Variants in VRK2 observed in about 807,000 individuals in gnomAD.
The protein encoded by VRK2 is serine/threonine-protein kinase VRK2.
Under a neutral mutation model 57.6 loss-of-function variants are expected in VRK2, and 60 were observed. The observed-to-expected ratio is 1.04, with a 90% CI of 0.85 to 1.29. The LOEUF is 1.29. Among genes scored for constraint, VRK2 ranks in the 50% most tolerant of loss-of-function variants. The pLI, the probability that VRK2 is intolerant of heterozygous loss-of-function variation, is 0.00. For synonymous variants in VRK2, 231 were observed against 199.2 expected, an observed-to-expected ratio of 1.16 and a Z score of -1.35; for missense variants, 705 against 588.1, an observed-to-expected ratio of 1.20 and a Z score of -2.06.
chr2:57,989,267 T>C (rs1169779074), intron 1 of VRK2, among the ~76,000 whole-genome samples: 2 of 152,230 alleles, frequency 1.3e-5, no homozygotes, highest in Non-Finnish European at 2.9e-5. Flanking sequence ...TAAATAATTT[T>C]ACATTTTTCT....
intron 2 of VRK2, among the ~76,000 whole-genome samples, chr2:58,052,955 A>G (rs533808298): frequency 1.3e-5 from 2 of 152,250 alleles, no homozygotes; most frequent in African/African-American, 2.4e-5. Context: ...AGTAAAAGAT[A>G]TGATTTATCT....
intron 1 of VRK2, among the ~76,000 whole-genome samples, chr2:58,019,856 C>T (rs529286774): frequency 2.0e-5 from 3 of 152,126 alleles, no homozygotes. Context: ...AAACTATAAA[C>T]TTTCAACTTT....
At chr2:58,015,932 T>C (rs1189538785) in intron 1 of VRK2, among the ~76,000 whole-genome samples, 1 of 152,164 alleles carries the variant, frequency 6.6e-6, no homozygotes, top group East Asian at 1.9e-4. Flanking sequence ...GATTTTGTTT[T>C]TTTCTTATAG....
chr2:58,065,993 G>T (rs940633868), intron 2 of VRK2, among the ~76,000 whole-genome samples: 1 of 152,060 alleles, frequency 6.6e-6, no homozygotes, highest in African/African-American at 2.4e-5. Context: ...AGTTATTCTA[G>T]GATTGGGTTT....
At chr2:58,129,179 ACACTT>A (rs1171422034) in intron 8 of VRK2, among the ~76,000 whole-genome samples, 2 of 152,184 alleles carry the variant, frequency 1.3e-5, no homozygotes, top group Non-Finnish European at 2.9e-5. Context: ...TAATAAGTAA[ACACTT>A]CATTTTAGGA....
chr2:58,080,939 T>G (rs1670777738), intron 2 of VRK2, among the ~76,000 whole-genome samples: 1 of 151,996 alleles, frequency 6.6e-6, no homozygotes, highest in Non-Finnish European at 1.5e-5. Context: ...CTTCCTCTTG[T>G]GTAATTTCTT....
rs148845924 is a variant in VRK2 at position 57,916,187 on chromosome 2, A to G, written c.-439+8348A>G. On this transcript the variant is annotated intron_variant, in intron 1 of 15. Coordinates refer to the VRK2 transcript ENST00000417641. ...TTTGGGAGGTCGAGGCAGGCAGATC[A>G]CTTGAGGTCAGGAGTTCGAGACCAG... Among the ~76,000 whole-genome samples the G allele has an allele frequency of 9.8e-3, 1,494 of 152,156 alleles. 25 individuals carry two copies. The highest frequency in any genetic ancestry group is 0.034 in the African/African-American group (1,416 of 41,500).
At chr2:58,062,980 AG>A (rs1677575407) in intron 2 of VRK2, among the ~76,000 whole-genome samples, 1 of 152,206 alleles carries the variant, frequency 6.6e-6, no homozygotes, top group African/African-American at 2.4e-5. Flanking sequence ...CTGGGTTCAA[AG>A]CTTCTAAGGA....
intron 10 of VRK2, 40 bp from the exon 11 acceptor site, chr2:58,139,626 C>A: frequency 6.4e-7 from 1 of 1,564,754 alleles, no homozygotes; most frequent in Non-Finnish European, 8.7e-7. Context: ...ACAATTCTTG[C>A]CAATTGTGAA....
intron 1 of VRK2, among the ~76,000 whole-genome samples, chr2:57,979,984 C>T (rs1182627913): frequency 6.6e-6 from 1 of 152,038 alleles, no homozygotes; most frequent in Non-Finnish European, 1.5e-5. Context: ...TTTCAAAGAA[C>T]AAATTTTTGG....
Position 58,159,694 on chromosome 2 carries a change from A to AGAT in VRK2, c.*5_*7dup. On this transcript the variant is annotated 3_prime_UTR_variant, in exon 13 of 13. Coordinates refer to ENST00000340157, the MANE Select transcript of VRK2 (RefSeq NM_006296.7). The stretch of plus-strand genomic sequence containing the variant: ...ATTTCTTGCTTTATTTTTTCTCTGA[A>AGAT]GATGATACCAAAATTCCTTTTGATA... 1 of 1,612,416 alleles carries AGAT rather than the reference A, an allele frequency of 6.2e-7. No homozygotes were observed. Among genetic ancestry groups the AGAT allele is most frequent in the Non-Finnish European group, 8.5e-7 (1 of 1,179,406 alleles).
At chr2:58,143,984 C>A (rs1283344777) in intron 11 of VRK2, among the ~76,000 whole-genome samples, 1 of 150,778 alleles carries the variant, frequency 6.6e-6, no homozygotes, top group Non-Finnish European at 1.5e-5. Flanking sequence ...TATATATGCA[C>A]ACATATATAC....
intron 1 of VRK2, among the ~76,000 whole-genome samples, chr2:57,919,056 T>C (rs1670249635): frequency 6.6e-6 from 1 of 152,142 alleles, no homozygotes; most frequent in Admixed American, 6.5e-5. Flanking sequence ...AGTATAAAAA[T>C]ACTTGTCCAA....
At chr2:58,065,604 T>C (rs1020384435) in intron 2 of VRK2, among the ~76,000 whole-genome samples, 3 of 152,156 alleles carry the variant, frequency 2.0e-5, no homozygotes, top group African/African-American at 7.2e-5. Flanking sequence ...CTTTTCCATA[T>C]ACATAATTAA....
At chr2:58,077,435 A>G (rs1190022808) in intron 2 of VRK2, among the ~76,000 whole-genome samples, 1 of 151,928 alleles carries the variant, frequency 6.6e-6, no homozygotes, top group Non-Finnish European at 1.5e-5. Flanking sequence ...CCTACCCACA[A>G]TCTGTGTAGG....
chr2:58,069,795 CTCT>C (rs908429665), intron 2 of VRK2, among the ~76,000 whole-genome samples: 1 of 152,134 alleles, frequency 6.6e-6, no homozygotes, highest in African/African-American at 2.4e-5. Flanking sequence ...TCATTTCCTA[CTCT>C]TCTTAACTAG....
chr2:58,024,002 G>A (rs1403208654), intron 1 of VRK2, among the ~76,000 whole-genome samples: 4 of 144,946 alleles, frequency 2.8e-5, no homozygotes, highest in Non-Finnish European at 6.0e-5. Context: ...TTTTTGAGAC[G>A]GAGTCTCACT....
chr2:57,991,936 G>A (rs1672781563), intron 1 of VRK2, among the ~76,000 whole-genome samples: 2 of 146,722 alleles, frequency 1.4e-5, no homozygotes, highest in Non-Finnish European at 3.0e-5. Context: ...CCAGCCTGGC[G>A]ACAGCATGAG....
At chr2:58,097,573 C>T (rs1317101028) in intron 7 of VRK2, among the ~76,000 whole-genome samples, 2 of 152,176 alleles carry the variant, frequency 1.3e-5, no homozygotes, top group Non-Finnish European at 2.9e-5. Flanking sequence ...TTAAATTATA[C>T]AGTCATGTAC....
Sources: allele counts gnomAD v4.1 joint callset (sites outside exome capture counted in the v4.1 genomes callset), GRCh38; gene constraint gnomAD v4.1.1; transcripts MANE v1.5; gene names NCBI Gene and HGNC (gene_info 2026-07-23, HGNC 2026-07-21).